PRKAR2B: variants seen among roughly 807,000 people sequenced by gnomAD.
The protein encoded by PRKAR2B is protein kinase cAMP-dependent type II regulatory subunit beta.
A neutral mutation model predicts 49.9 loss-of-function variants in PRKAR2B; 14 were observed. That is an observed-to-expected ratio of 0.28 (90% CI 0.19 to 0.44). The LOEUF is 0.44. Ranked by LOEUF, PRKAR2B falls within the 20% of genes least tolerant of loss-of-function variation. The probability of loss-of-function intolerance (pLI) is 1.00; values close to 1 mark genes in which losing one functional copy is unlikely to be tolerated. For synonymous variants in PRKAR2B, 196 were observed against 197.7 expected (o/e 0.99, Z 0.07); for missense variants, 393 against 537.9 (o/e 0.73, Z 2.67).
intron 2 of PRKAR2B, among the ~76,000 whole-genome samples, chr7:107,115,999 T>C (rs1005601704): frequency 8.5e-5 from 13 of 152,296 alleles, no homozygotes; most frequent in South Asian, 8.3e-4. Flanking sequence ...GGTGGACATA[T>C]TATGTGACCA....
chr7:107,082,189 T>A (rs1394306734), intron 2 of PRKAR2B: 1 of 152,234 alleles, frequency 6.6e-6, no homozygotes, highest in African/African-American at 2.4e-5. Context: ...TTCACTTTAT[T>A]TAGATTTTGT....
chr7:107,155,186 A>G (rs927161510), intron 8 of PRKAR2B, among the ~76,000 whole-genome samples: 4 of 152,186 alleles, frequency 2.6e-5, no homozygotes, highest in African/African-American at 9.6e-5. Flanking sequence ...CTAGGCTGAA[A>G]TTTGGGTGAA....
chr7:107,089,031 C>T (rs1794672688), intron 2 of PRKAR2B, among the ~76,000 whole-genome samples: 1 of 151,590 alleles, frequency 6.6e-6, no homozygotes. Context: ...TACCTGGGCA[C>T]GGTGGCCTGT....
chr7:107,110,943 AG>A, intron 2 of PRKAR2B, among the ~76,000 whole-genome samples: 1 of 151,620 alleles, frequency 6.6e-6, no homozygotes, highest in Non-Finnish European at 1.5e-5. Flanking sequence ...TCAGCCACAG[AG>A]GGGTAGAGGA....
chr7:107,066,298 T>TGGGG (rs199947326), intron 1 of PRKAR2B, among the ~76,000 whole-genome samples: 17 of 111,308 alleles, frequency 1.5e-4, no homozygotes, highest in African/African-American at 5.6e-4. Context: ...TCTCTCTATG[T>TGGGG]GGGGTGTGTG....
intron 2 of PRKAR2B, among the ~76,000 whole-genome samples, chr7:107,099,356 A>G (rs2116811048): frequency 6.6e-6 from 1 of 152,142 alleles, no homozygotes; most frequent in East Asian, 1.9e-4. Context: ...GTTTGCTAAG[A>G]CTGTTGGAAA....
chr7:107,133,363 T>C (rs1795636521), intron 4 of PRKAR2B, among the ~76,000 whole-genome samples: 1 of 152,210 alleles, frequency 6.6e-6, no homozygotes, highest in Non-Finnish European at 1.5e-5. Context: ...ATTTCATCTT[T>C]TTTCCCCATT....
chr7:107,116,807 G>A (rs945290225), intron 2 of PRKAR2B, among the ~76,000 whole-genome samples: 5 of 151,550 alleles, frequency 3.3e-5, no homozygotes, highest in Non-Finnish European at 5.9e-5. Context: ...ATGAACAGGG[G>A]CGGGGGAAGC....
chr7:107,082,822 C>T (rs1794538184), intron 2 of PRKAR2B, among the ~76,000 whole-genome samples: 1 of 152,064 alleles, frequency 6.6e-6, no homozygotes, highest in African/African-American at 2.4e-5. Context: ...GTCTTGAACT[C>T]CTGAGCTCAA....
In PRKAR2B at chr7:107,146,474, C is replaced by A; in HGVS notation, c.741+13C>A. 6.2e-7 allele frequency: 1 copy of A among 1,606,826 alleles called. No individual in the cohort carries two copies. Among genetic ancestry groups the A allele is most frequent in the Non-Finnish European group, 8.5e-7 (1 of 1,175,256 alleles). On this transcript the variant is annotated intron_variant, in intron 6 of 10. Coordinates refer to ENST00000265717, the MANE Select transcript of PRKAR2B (RefSeq NM_002736.3). ...TCTGTGGGGTTTGGTGAGTAAAATA[C>A]TTATTTGACCTGAATGTTATGATTT...
chr7:107,128,134 T>G (rs1256239712), intron 3 of PRKAR2B, 78 bp from the exon 4 acceptor site: 16 of 931,088 alleles, frequency 1.7e-5, no homozygotes, highest in Non-Finnish European at 2.5e-5. Flanking sequence ...GGTTCTGATT[T>G]TTGTTAGTTT....
At chr7:107,097,131 T>C (rs560280293) in intron 2 of PRKAR2B, among the ~76,000 whole-genome samples, 53 of 152,142 alleles carry the variant, frequency 3.5e-4, no homozygotes, top group Non-Finnish European at 7.3e-4. Context: ...CCCATTATTA[T>C]TGTGTGGGAG....
At chr7:107,099,493 G>A (rs928477147) in intron 2 of PRKAR2B, among the ~76,000 whole-genome samples, 4 of 152,054 alleles carry the variant, frequency 2.6e-5, no homozygotes, top group African/African-American at 4.8e-5. Flanking sequence ...GCCCTGCACC[G>A]TGGGCCGCAC....
intron 1 of PRKAR2B, among the ~76,000 whole-genome samples, chr7:107,056,408 G>A (rs1025274842): frequency 3.3e-5 from 5 of 152,294 alleles, no homozygotes; most frequent in Non-Finnish European, 7.4e-5. Context: ...ACCTTGGGCA[G>A]TATGGCCATT....
chr7:107,107,349 C>A (rs749396461), intron 2 of PRKAR2B, among the ~76,000 whole-genome samples: 1 of 151,658 alleles, frequency 6.6e-6, no homozygotes, highest in Admixed American at 6.6e-5. Flanking sequence ...AAAAAAAAAG[C>A]CATTTTTAGG....
At chr7:107,092,910 C>T (rs920074046) in intron 2 of PRKAR2B, among the ~76,000 whole-genome samples, 5 of 152,168 alleles carry the variant, frequency 3.3e-5, no homozygotes, top group African/African-American at 1.2e-4. Flanking sequence ...TGGCAGCCAA[C>T]ATTCTTTCTG....
At chr7:107,123,639 A>G (rs969068987) in intron 3 of PRKAR2B, among the ~76,000 whole-genome samples, 3 of 152,134 alleles carry the variant, frequency 2.0e-5, no homozygotes, top group Non-Finnish European at 4.4e-5. Flanking sequence ...TCCAATTTCC[A>G]AAGAGTTTCT....
At chr7:107,066,008 T>C (rs1476015235) in intron 1 of PRKAR2B, among the ~76,000 whole-genome samples, 1 of 152,166 alleles carries the variant, frequency 6.6e-6, no homozygotes. Context: ...ACTAAACGAA[T>C]CTAGTGGAAT....
At chr7:107,158,702 C>T (rs184246225) in intron 10 of PRKAR2B, among the ~76,000 whole-genome samples, 147 of 152,262 alleles carry the variant, frequency 9.7e-4, no homozygotes, top group African/African-American at 3.3e-3. Context: ...ACTTTTGACA[C>T]ATATTGCCAG....
Sources: gnomAD v4.1 joint callset for allele counts (sites outside exome capture counted in the v4.1 genomes callset) on GRCh38, gnomAD v4.1.1 for gene constraint, MANE v1.5 for transcripts, NCBI Gene and HGNC (gene_info 2026-07-23, HGNC 2026-07-21) for gene names.